NGLY1: variants seen among roughly 807,000 people sequenced by gnomAD.
The protein encoded by NGLY1 is peptide-N(4)-(N-acetyl-beta-glucosaminyl)asparagine amidase.
NGLY1 carries 68 observed loss-of-function variants against 84.6 expected under a neutral mutation model. That is an observed-to-expected ratio of 0.80 (90% CI 0.66 to 0.98). The LOEUF is 0.98. NGLY1 is among the 50% of genes least tolerant of loss of function. The pLI, the probability that NGLY1 is intolerant of heterozygous loss-of-function variation, is 0.00. For missense variants in NGLY1, 779 were observed against 770.2 expected (o/e 1.01, Z -0.14); for synonymous variants, 280 against 275.2 (o/e 1.02, Z -0.17).
At position 25,719,447 on chromosome 3, in the gene NGLY1, A is replaced by C. The variant is rs778568199; in HGVS notation, c.*13T>G. On this transcript the variant is annotated 3_prime_UTR_variant, in exon 12 of 12. Coordinates refer to ENST00000280700, the MANE Select transcript of NGLY1 (RefSeq NM_018297.4). ...CCTTGATTATTGCCAGCTTTTCTATAATGTTCAGGTTCTCAAAGGTCACTG... is the reference window on the plus strand; with the variant it reads ...CCTTGATTATTGCCAGCTTTTCTATCATGTTCAGGTTCTCAAAGGTCACTG... The C allele has an allele frequency of 6.2e-7, 1 of 1,610,412 alleles. No individual in the cohort carries two copies. The highest frequency in any genetic ancestry group is 1.7e-5 in the Admixed American group (1 of 59,764).
chr3:25,756,126 A>G (rs182126922), intron 3 of NGLY1, among the ~76,000 whole-genome samples: 57 of 152,324 alleles, frequency 3.7e-4, no homozygotes, highest in African/African-American at 1.3e-3. Flanking sequence ...ATTTTTGGAA[A>G]GAGTGGATTT....
chr3:25,735,541 A>G (rs1326503763), intron 7 of NGLY1: 1 of 153,264 alleles, frequency 6.5e-6, no homozygotes, highest in East Asian at 1.9e-4. Flanking sequence ...ACTAAATGTT[A>G]GCAAGGACAT....
rs1479610858 is a variant in NGLY1, at chr3:25,734,749, T to C, written c.1150-767A>G. ...AAATAAAATAAAACGTAAAAGCCTA[T>C]AAAATAAACGGAAGAGAATACGTCA... is the stretch of plus-strand genomic sequence containing the variant. On this transcript the variant is annotated intron_variant, in intron 7 of 11. Coordinates refer to ENST00000280700, the MANE Select transcript of NGLY1 (RefSeq NM_018297.4). 1.2e-5 allele frequency: 11 copies of C among 891,028 alleles called. No individual in the cohort carries two copies. In the Admixed American group the frequency reaches 1.9e-4, roughly 15 times the overall value. The allele number at this position is 891,028 out of a possible 1,614,324, so 55.2% of individuals were successfully genotyped here.
intron 3 of NGLY1, among the ~76,000 whole-genome samples, chr3:25,759,333 AG>A (rs1707194556): frequency 6.6e-6 from 1 of 152,020 alleles, no homozygotes; most frequent in African/African-American, 2.4e-5. Flanking sequence ...AAAAAAAAAA[AG>A]AAATGTCTCC....
chr3:25,749,792 A>G, intron 4 of NGLY1: 4 of 1,336,646 alleles, frequency 3.0e-6, no homozygotes, highest in Middle Eastern at 2.5e-4. Context: ...GATTGCTCAC[A>G]ATGTTTCCTC....
intron 4 of NGLY1, among the ~76,000 whole-genome samples, chr3:25,741,455 C>T (rs1706137618): frequency 6.6e-6 from 1 of 151,578 alleles, no homozygotes; most frequent in Non-Finnish European, 1.5e-5. Flanking sequence ...TATCAGATCC[C>T]TACTATAGTT....
At position 25,720,079 on chromosome 3, in the gene NGLY1, G is replaced by A. The variant is rs778118965; in HGVS notation, c.1724C>T (p.Thr575Ile). ...DSISIRTSSQ[T>I]FQTGTVEWKL... is the part of the protein sequence containing the mutation. ...CCATTCTACTGTTCCAGTCTGAAAAGTTTGACTACTTGTTCTAATAGAAAT... is the reference window on the plus strand; with the variant it reads ...CCATTCTACTGTTCCAGTCTGAAAAATTTGACTACTTGTTCTAATAGAAAT... The change falls in exon 11 of 12, where the codon ACT becomes ATT. Residue 575 changes from threonine to isoleucine, a missense_variant. By Grantham distance (89) the Thr-to-Ile change is moderately conservative (BLOSUM62 -1). Transcript: ENST00000280700. The A allele has an allele frequency of 6.2e-7, 1 of 1,613,822 alleles. No homozygotes were observed. The highest frequency in any genetic ancestry group is 1.1e-5 in the South Asian group (1 of 91,060).
At chr3:25,764,832 T>C (rs1559552432) in intron 2 of NGLY1, among the ~76,000 whole-genome samples, 1 of 152,204 alleles carries the variant, frequency 6.6e-6, no homozygotes, top group Non-Finnish European at 1.5e-5. Flanking sequence ...ATTAGAAGCC[T>C]GTGTATGGGG....
intron 2 of NGLY1, among the ~76,000 whole-genome samples, chr3:25,768,534 G>C (rs371665092): frequency 9.2e-4 from 137 of 149,682 alleles, no homozygotes; most frequent in Middle Eastern, 7.0e-3. Flanking sequence ...CAGGAAATTG[G>C]TCTGGGCAAA....
chr3:25,743,065 T>G (rs1575625982), intron 4 of NGLY1, among the ~76,000 whole-genome samples: 1 of 152,050 alleles, frequency 6.6e-6, no homozygotes, highest in Admixed American at 6.6e-5. Context: ...AGAGAGAGAT[T>G]TGAAGATGCT....
At chr3:25,756,877 A>T (rs1485909552) in intron 3 of NGLY1, among the ~76,000 whole-genome samples, 1 of 152,236 alleles carries the variant, frequency 6.6e-6, no homozygotes. Flanking sequence ...GTTTCCCAAT[A>T]ATACTGTAAT....
At chr3:25,740,304 A>G (rs775557159) in intron 4 of NGLY1, among the ~76,000 whole-genome samples, 51 of 152,166 alleles carry the variant, frequency 3.4e-4, no homozygotes, top group Admixed American at 9.2e-4. Context: ...AATATAATCC[A>G]TCCATGGATA....
At chr3:25,729,345 T>C (rs756137181) in intron 9 of NGLY1, 27 bp from the exon 10 acceptor site, 59 of 1,290,862 alleles carry the variant, frequency 4.6e-5, no homozygotes, top group Non-Finnish European at 5.8e-5. Flanking sequence ...AATTAGTTTT[T>C]CAACATTATG....
chr3:25,721,496 G>GT lies in NGLY1; in HGVS notation c.1612-1306dup, dbSNP rs1027629455. ...AGGCTGGGCACGGTGGCTCACGCCT[G>GT]TAATCCCAGCACTTTGGGAGGCTGA... is the stretch of plus-strand genomic sequence containing the variant. On this transcript the variant is annotated intron_variant, in intron 10 of 11. Coordinates refer to ENST00000280700, the MANE Select transcript of NGLY1 (RefSeq NM_018297.4). 2.2e-4 allele frequency among the ~76,000 whole-genome samples: 34 copies of GT among 152,202 alleles called. No homozygotes were observed. In the East Asian group the frequency reaches 6.4e-3, roughly 29 times the overall value.
Position 25,739,721 on chromosome 3 carries a change from T to C in NGLY1, c.737A>G (p.Asn246Ser). ...ACCACATTTGCTGCACAAAACGTTA[T>C]TCACCCAGTGAAAAAATTCTTCCTT... is the stretch of plus-strand genomic sequence containing the variant. ...WFKEEFFHWV[N>S]NVLCSKCGGQ... Residue 246 changes from asparagine (N) to serine (S), a missense_variant, in exon 5 of 12, where the codon AAT becomes AGT. Physicochemically the swap from Asn to Ser is conservative, Grantham distance 46. Transcript: ENST00000280700. 1.2e-6 allele frequency: 2 copies of C among 1,614,098 alleles called. No homozygotes were observed. The highest frequency in any genetic ancestry group is 1.7e-6 in the Non-Finnish European group (2 of 1,180,002).
intron 6 of NGLY1, chr3:25,736,444 T>A (rs1439308212): frequency 2.0e-6 from 3 of 1,466,460 alleles, no homozygotes; most frequent in Non-Finnish European, 2.8e-6. Flanking sequence ...AAAAATATCA[T>A]CCTGAGTTTA....
intron 11 of NGLY1, 76 bp from the exon 12 acceptor site, chr3:25,719,711 T>C: frequency 3.4e-6 from 4 of 1,184,758 alleles, no homozygotes; most frequent in Non-Finnish European, 3.6e-6. Flanking sequence ...AAATGTATTT[T>C]ATATAGGCTG....
intron 10 of NGLY1, among the ~76,000 whole-genome samples, chr3:25,724,001 G>A (rs1216604467): frequency 1.3e-5 from 2 of 152,108 alleles, no homozygotes; most frequent in Non-Finnish European, 2.9e-5. Flanking sequence ...TGTGTCTACG[G>A]TTTAGGCATA....
chr3:25,757,719 C>G (rs1348646620), intron 3 of NGLY1, among the ~76,000 whole-genome samples: 1 of 152,138 alleles, frequency 6.6e-6, no homozygotes, highest in Non-Finnish European at 1.5e-5. Flanking sequence ...TAAGCTGTAG[C>G]AAAGGAGCTG....
Sources: gnomAD v4.1 joint callset for allele counts (sites outside exome capture counted in the v4.1 genomes callset) on GRCh38, gnomAD v4.1.1 for gene constraint, MANE v1.5 for transcripts, NCBI Gene and HGNC (gene_info 2026-07-23, HGNC 2026-07-21) for gene names.